DNAH2: variants seen among roughly 807,000 people sequenced by gnomAD.
The protein encoded by DNAH2 is dynein axonemal heavy chain 2.
DNAH2 carries 323 observed loss-of-function variants against 523.5 expected under a neutral mutation model. The ratio of observed to expected loss-of-function variants is 0.62; its 90% CI spans 0.56 to 0.68. The LOEUF is 0.68. Ranked by LOEUF, DNAH2 falls within the 30% of genes least tolerant of loss-of-function variation. The pLI is 0.00. For synonymous variants in DNAH2, 2,093 were observed against 2,177.4 expected (o/e 0.96, Z 1.08); for missense variants, 4,907 against 5,701.5 (o/e 0.86, Z 4.49).
At position 7,818,925 on chromosome 17, in the gene DNAH2, G is replaced by A. The variant is rs1395072977; in HGVS notation, c.10677G>A (p.Leu3559=). Residue 3559 remains leucine, a synonymous_variant, in exon 71 of 86, where the codon CTG becomes CTA. Transcript: ENST00000572933. ...KELEDEILRL[L]NEATGSLLDD... ...CCTCTGGGCCTCCCCCTAGGCTGCT[G>A]AATGAGGCCACCGGCTCCCTGCTGG... The A allele has an allele frequency of 1.2e-6, 2 of 1,612,008 alleles. No homozygotes were observed. The highest frequency in any genetic ancestry group is 1.3e-5 in the African/African-American group (1 of 75,016).
chr17:7,815,734 TCA>T (rs1172325778), intron 63 of DNAH2, among the ~76,000 whole-genome samples: 4 of 151,618 alleles, frequency 2.6e-5, no homozygotes, highest in East Asian at 3.9e-4. Context: ...GTATACGGGA[TCA>T]CACACACATA....
At chr17:7,767,128 C>T (rs2076192586) in intron 22 of DNAH2, among the ~76,000 whole-genome samples, 1 of 108,292 alleles carries the variant, frequency 9.2e-6, no homozygotes, top group African/African-American at 3.6e-5. Flanking sequence ...AGCCTGTTTT[C>T]CATGTGTATG....
At position 7,805,360 on chromosome 17, in the gene DNAH2, G is replaced by A. The variant is rs200791492; in HGVS notation, c.9409G>A (p.Glu3137Lys). The stretch of plus-strand genomic sequence containing the variant: ...GGCAGTTATGATTCTTCGAGGCAAC[G>A]AGCCCACATGGGCAGAGGCCAAGAG... Reference protein sequence around the residue: ...MQAVMILRGNEPTWAEAKRQL... With the variant: ...MQAVMILRGNKPTWAEAKRQL... The change falls in exon 61 of 86, where the codon GAG becomes AAG. Residue 3137 changes from glutamate to lysine, a missense_variant. Physicochemically the swap from Glu to Lys is moderately conservative, Grantham distance 56. This residue lies in a region of DNAH2 where 1,851 missense variants were observed against 2,139.4 expected (regional missense o/e 0.87). Transcript: ENST00000572933. The A allele has an allele frequency of 3.1e-5, 50 of 1,614,126 alleles. No homozygotes were observed. The highest frequency in any genetic ancestry group is 1.6e-4 in the Middle Eastern group (1 of 6,084).
chr17:7,796,741 C>T, intron 50 of DNAH2, 89 bp downstream of exon 50: 1 of 1,419,608 alleles, frequency 7.0e-7, no homozygotes, highest in Non-Finnish European at 9.5e-7. Context: ...CACTCACTAG[C>T]ATGCGCACCA....
intron 3 of DNAH2, among the ~76,000 whole-genome samples, chr17:7,725,787 C>A (rs1244140651): frequency 6.7e-6 from 1 of 149,260 alleles, no homozygotes; most frequent in Non-Finnish European, 1.5e-5. Context: ...AATGACATAT[C>A]TATGCAGGTC....
At chr17:7,761,047 C>T in intron 18 of DNAH2, 115 bp downstream of exon 18, 1 of 1,305,006 alleles carries the variant, frequency 7.7e-7, no homozygotes, top group South Asian at 1.4e-5. Flanking sequence ...CATGTGTCCT[C>T]AATGACAGGA....
intron 8 of DNAH2, among the ~76,000 whole-genome samples, chr17:7,739,462 G>A (rs1482093993): frequency 6.6e-6 from 1 of 152,168 alleles, no homozygotes; most frequent in Non-Finnish European, 1.5e-5. Flanking sequence ...CTGCACAATT[G>A]TGTGTCCTAC....
At position 7,760,318 on chromosome 17, in the gene DNAH2, G is replaced by C. The variant is rs1480995822; in HGVS notation, c.2785+380G>C. 6.6e-6 allele frequency among the ~76,000 whole-genome samples: 1 copy of C among 151,548 alleles called. No homozygotes were observed. The highest frequency in any genetic ancestry group is 1.5e-5 in the Non-Finnish European group (1 of 67,908). ...GGAGGTTGCAGTGAGCGGAGATCAT[G>C]CCACTGCATTCCAGCCTGGGTGACA... On this transcript the variant is annotated intron_variant, in intron 17 of 85. Coordinates refer to ENST00000572933, the MANE Select transcript of DNAH2 (RefSeq NM_020877.5). This position sits in a 1 kb window ranked among gnomAD's most constrained non-coding sequence, Gnocchi z 4.0.
In DNAH2 at chr17:7,725,425, A is replaced by AATATATAT. The variant is rs71387992; in HGVS notation, c.229-1688_229-1681dup. ...TTTTATTTGTATTTGACTTCAAGTGAATATATATATATATATTTTCTTTTT... is the reference window on the plus strand; with the variant it reads ...TTTTATTTGTATTTGACTTCAAGTGAATATATATATATATATATATATATTTTCTTTTT... On this transcript the variant is annotated intron_variant, in intron 3 of 85. Transcript: ENST00000572933. 4.6e-4 allele frequency among the ~76,000 whole-genome samples: 57 copies of AATATATAT among 125,008 alleles called. 1 individual carries two copies. The highest frequency in any genetic ancestry group is 8.8e-4 in the Admixed American group (11 of 12,524). The allele number at this position is 125,008 out of a possible 152,430, so 82.0% of individuals were successfully genotyped here.
rs2077957313 is a variant in DNAH2 at position 7,824,300 on chromosome 17, T to C, written c.11658T>C (p.Thr3886=). The part of the protein sequence containing the change: ...IAARLLREGV[T]QGHWVFLANC... ...CTCGGCTCCTCCGAGAGGGTGTGAC[T>C]CAGGGTTGGTGTCCATCCTTTCTTC... The change falls in exon 76 of 86, where the codon ACT becomes ACC. Residue 3886 remains threonine (T), a synonymous_variant. Transcript: ENST00000572933. The C allele has an allele frequency of 6.6e-7, 1 of 1,520,114 alleles. No individual in the cohort carries two copies. The highest frequency in any genetic ancestry group is 8.8e-7 in the Non-Finnish European group (1 of 1,138,422). The allele number at this position is 1,520,114 out of a possible 1,614,324, so 94.2% of individuals were successfully genotyped here.
At chr17:7,822,829 T>C (rs1037164086) in intron 73 of DNAH2, among the ~76,000 whole-genome samples, 11 of 152,152 alleles carry the variant, frequency 7.2e-5, no homozygotes, top group African/African-American at 2.7e-4. Context: ...TTTGTGCTTC[T>C]GTGAAGGTGA....
rs781414340 is a variant in DNAH2 at position 7,771,389 on chromosome 17, C to T, written c.4422C>T (p.Asp1474=). ...TGCCCAATGAATCGACCTTATTTGA[C>T]CAGGTCAACAGCAACTGGAAAGCCA... ...KQLPNESTLF[D]QVNSNWKAIM... Residue 1474 remains aspartate (D), a synonymous_variant, in exon 28 of 86, where the codon GAC becomes GAT. Coordinates refer to ENST00000572933, the MANE Select transcript of DNAH2 (RefSeq NM_020877.5). 25 of 1,614,092 alleles carry T rather than the reference C, an allele frequency of 1.5e-5. No homozygotes were observed. The highest frequency in any genetic ancestry group is 2.1e-5 in the Non-Finnish European group (25 of 1,180,010).
chr17:7,757,027 C>A, intron 12 of DNAH2, 64 bp from the exon 13 acceptor site: 1 of 1,599,200 alleles, frequency 6.3e-7, no homozygotes, highest in Non-Finnish European at 8.6e-7. Flanking sequence ...TCCACCTGTT[C>A]GATTGTTGCT....
intron 63 of DNAH2, among the ~76,000 whole-genome samples, chr17:7,815,623 CACAT>C (rs974863823): frequency 6.2e-5 from 9 of 144,244 alleles, no homozygotes; most frequent in African/African-American, 2.0e-4. Flanking sequence ...GGATCACACA[CACAT>C]ATACGGGATC....
chr17:7,781,013 A>C, intron 38 of DNAH2, 29 bp from the exon 39 acceptor site: 6 of 1,613,608 alleles, frequency 3.7e-6, no homozygotes, highest in Non-Finnish European at 4.2e-6. Context: ...TGCCTCCTCA[A>C]GCCTGAGTCT....
rs2078224963 is a variant in DNAH2 at position 7,832,902 on chromosome 17, G to A, written c.12952G>A (p.Asp4318Asn). ...GGAGTTTATCGTTTCCACTGTGGAT[G>A]ACAGCAACCTAGTGTATCCCCCCAA... ...SWEFIVSTVDDSNLVYPPKDG... is the reference protein window; with the variant it reads ...SWEFIVSTVDNSNLVYPPKDG... Residue 4318 changes from aspartate to asparagine, a missense_variant, in exon 84 of 86, where the codon GAC (aspartate) becomes AAC (asparagine). Transcript: ENST00000572933. This position sits in a 1 kb window ranked among gnomAD's most constrained non-coding sequence, Gnocchi z 4.3. 2 of 1,614,222 alleles carry A rather than the reference G, an allele frequency of 1.2e-6. No homozygotes were observed. Among genetic ancestry groups the A allele is most frequent in the Middle Eastern group, 1.6e-4 (1 of 6,062 alleles).
At chr17:7,729,533 C>T (rs1217398900) in intron 4 of DNAH2, among the ~76,000 whole-genome samples, 4 of 152,224 alleles carry the variant, frequency 2.6e-5, no homozygotes, top group Admixed American at 6.5e-5. Context: ...TGGGTTCAAG[C>T]GATTCTCCTG....
At chr17:7,781,811 C>A (rs1334783464) in intron 39 of DNAH2, among the ~76,000 whole-genome samples, 1 of 152,182 alleles carries the variant, frequency 6.6e-6, no homozygotes, top group Non-Finnish European at 1.5e-5. Context: ...GCCTCTACTT[C>A]TCACCTCATC....
At position 7,833,682 on chromosome 17, in the gene DNAH2, T is replaced by C. The variant is rs1348883316; in HGVS notation, c.*149T>C. Reference sequence around the variant, plus strand: ...TGGCCCTGGAGATACCTAGTTGTGTTAGCCATAAAAGTGAAAGAGTTGTAT... The same window carrying C: ...TGGCCCTGGAGATACCTAGTTGTGTCAGCCATAAAAGTGAAAGAGTTGTAT... On this transcript the variant is annotated 3_prime_UTR_variant, in exon 86 of 86. Coordinates refer to ENST00000572933, the MANE Select transcript of DNAH2 (RefSeq NM_020877.5). The C allele has an allele frequency of 1.6e-5, 18 of 1,101,918 alleles. No homozygotes were observed. In the Admixed American group the frequency reaches 2.8e-4, roughly 17 times the overall value. The allele number at this position is 1,101,918 out of a possible 1,614,324, so 68.3% of individuals were successfully genotyped here.
Sources: gnomAD v4.1 joint callset for allele counts (sites outside exome capture counted in the v4.1 genomes callset) on GRCh38, gnomAD v4.1.1 for gene constraint, gnomAD v4.1.1 regional missense constraint, Gnocchi (gnomAD v3.1) non-coding constraint, MANE v1.5 for transcripts, NCBI Gene and HGNC (gene_info 2026-07-23, HGNC 2026-07-21) for gene names.